EDIL3: variants seen among roughly 807,000 people sequenced by gnomAD.
EDIL3 encodes the protein EGF like and discoidin domains 3.
In EDIL3, 37 loss-of-function variants were observed where a neutral mutation model predicts 67.4. The ratio of observed to expected loss-of-function variants is 0.55; its 90% CI spans 0.42 to 0.72. The LOEUF is 0.72. Ranked by LOEUF, EDIL3 falls within the 30% of genes least tolerant of loss-of-function variation. The pLI is 0.00. For missense variants in EDIL3, 527 were observed against 586.3 expected (o/e 0.90, Z 1.04); for synonymous variants, 195 against 196.3 (o/e 0.99, Z 0.05).
chr5:83,962,813 AT>A (rs1426340628), intron 10 of EDIL3, among the ~76,000 whole-genome samples: 1 of 151,610 alleles, frequency 6.6e-6, no homozygotes, highest in East Asian at 1.9e-4. Flanking sequence ...TCCAAAGAAC[AT>A]TTTATCTAAC....
chr5:84,104,057 C>A (rs901229663), intron 6 of EDIL3, among the ~76,000 whole-genome samples: 2 of 152,016 alleles, frequency 1.3e-5, no homozygotes, highest in Non-Finnish European at 2.9e-5. Flanking sequence ...CAGATCATGT[C>A]TTTTGCAGGA....
At chr5:83,979,411 G>A (rs1369059487) in intron 9 of EDIL3, among the ~76,000 whole-genome samples, 1 of 152,038 alleles carries the variant, frequency 6.6e-6, no homozygotes, top group Non-Finnish European at 1.5e-5. Flanking sequence ...TGCACTCCTA[G>A]ACATATTTCT....
At chr5:84,290,910 G>C (rs977176719) in intron 1 of EDIL3, among the ~76,000 whole-genome samples, 99 of 152,242 alleles carry the variant, frequency 6.5e-4, no homozygotes, top group Middle Eastern at 3.4e-3. Context: ...ATTTCAAGTG[G>C]CTCAGTTTCA....
At chr5:84,344,837 G>A (rs955053303) in intron 1 of EDIL3, among the ~76,000 whole-genome samples, 5 of 152,002 alleles carry the variant, frequency 3.3e-5, no homozygotes, top group Non-Finnish European at 5.9e-5. Flanking sequence ...AGCCACCTTA[G>A]ACAATAATAA....
intron 10 of EDIL3, among the ~76,000 whole-genome samples, chr5:83,955,611 G>A (rs1212226751): frequency 2.6e-5 from 4 of 151,626 alleles, no homozygotes; most frequent in Admixed American, 2.6e-4. Flanking sequence ...TATTGAGAAC[G>A]ATGTTTCATA....
chr5:84,081,168 T>C (rs1309236714), intron 6 of EDIL3, among the ~76,000 whole-genome samples: 1 of 152,172 alleles, frequency 6.6e-6, no homozygotes, highest in Non-Finnish European at 1.5e-5. Flanking sequence ...GGTATAACCA[T>C]TTCATCTGAA....
At chr5:83,995,031 C>A (rs568110318) in intron 9 of EDIL3, among the ~76,000 whole-genome samples, 10 of 151,964 alleles carry the variant, frequency 6.6e-5, no homozygotes, top group Non-Finnish European at 1.2e-4. Context: ...TCCTTTATAG[C>A]AGCAGTTTTA....
At chr5:84,377,377 G>A (rs1747990453) in intron 1 of EDIL3, among the ~76,000 whole-genome samples, 1 of 151,468 alleles carries the variant, frequency 6.6e-6, no homozygotes, top group South Asian at 2.1e-4. Context: ...CTGTAGGTGG[G>A]AGACTGCTCT....
intron 1 of EDIL3, among the ~76,000 whole-genome samples, chr5:84,317,145 A>G (rs572140519): frequency 2.0e-5 from 3 of 152,342 alleles, no homozygotes; most frequent in Non-Finnish European, 2.9e-5. Flanking sequence ...CTAAATGCCC[A>G]CAAGAGAAAG....
At chr5:84,064,606 G>A in intron 8 of EDIL3, 94 bp downstream of exon 8, 1 of 1,428,788 alleles carries the variant, frequency 7.0e-7, no homozygotes, top group Non-Finnish European at 9.3e-7. Flanking sequence ...AAATTTCTAT[G>A]GTTGTTGAAT....
At chr5:84,279,152 A>G (rs1304742087) in intron 1 of EDIL3, among the ~76,000 whole-genome samples, 1 of 152,128 alleles carries the variant, frequency 6.6e-6, no homozygotes, top group Non-Finnish European at 1.5e-5. Flanking sequence ...ATCCTTTTTC[A>G]TGAAAGAAAA....
At chr5:84,191,367 G>A (rs1743581849) in intron 3 of EDIL3, among the ~76,000 whole-genome samples, 1 of 152,038 alleles carries the variant, frequency 6.6e-6, no homozygotes, top group South Asian at 2.1e-4. Flanking sequence ...GATTCCTGCA[G>A]GAGATGTTCC....
chr5:84,225,112 T>C (rs2112404242), intron 3 of EDIL3, among the ~76,000 whole-genome samples: 1 of 151,760 alleles, frequency 6.6e-6, no homozygotes, highest in African/African-American at 2.4e-5. Context: ...TAACTGAATC[T>C]ACCCTGATAA....
intron 6 of EDIL3, among the ~76,000 whole-genome samples, chr5:84,077,928 G>A (rs1746890927): frequency 6.6e-6 from 1 of 151,220 alleles, no homozygotes; most frequent in South Asian, 2.1e-4. Flanking sequence ...TGGAGCAAAT[G>A]ATATTAAAGG....
chr5:84,200,304 G>T (rs562304792), intron 3 of EDIL3, among the ~76,000 whole-genome samples: 2 of 152,028 alleles, frequency 1.3e-5, no homozygotes, highest in Non-Finnish European at 2.9e-5. Flanking sequence ...TCTGTCTAAT[G>T]AGTTTAAATT....
chr5:84,256,149 A>ATGATCTATCTATCTATCCATTTATCC, intron 1 of EDIL3, among the ~76,000 whole-genome samples: 1 of 19,048 alleles, frequency 5.2e-5, no homozygotes, highest in Non-Finnish European at 9.2e-5. Flanking sequence ...TCTATCTATC[A>ATGATCTATCTATCTATCCATTTATCC]TCTATCTATC....
intron 1 of EDIL3, among the ~76,000 whole-genome samples, chr5:84,355,834 C>T (rs1747468668): frequency 6.6e-6 from 1 of 152,162 alleles, no homozygotes; most frequent in Non-Finnish European, 1.5e-5. Context: ...ATCTACTGCT[C>T]TCTTCAGAGC....
intron 8 of EDIL3, among the ~76,000 whole-genome samples, chr5:84,060,839 GT>G (rs1190462264): frequency 6.6e-6 from 1 of 152,108 alleles, no homozygotes; most frequent in African/African-American, 2.4e-5. Context: ...GTTTTCAACA[GT>G]TTCATTGTGT....
At chr5:84,240,399 G>C (rs1163761905) in intron 2 of EDIL3, among the ~76,000 whole-genome samples, 2 of 152,046 alleles carry the variant, frequency 1.3e-5, no homozygotes, top group Admixed American at 1.3e-4. Context: ...ACTATATTTT[G>C]GTTCAAGGAG....
Sources: allele counts gnomAD v4.1 joint callset (sites outside exome capture counted in the v4.1 genomes callset), GRCh38; gene constraint gnomAD v4.1.1; transcripts MANE v1.5; gene names NCBI Gene and HGNC (gene_info 2026-07-23, HGNC 2026-07-21).